The following ACYP2 variants were observed in gnomAD, a reference collection of about 807,000 sequenced individuals.
ACYP2 encodes acylphosphatase-2.
A neutral mutation model predicts 11.2 loss-of-function variants in ACYP2; 12 were observed. The observed-to-expected ratio is 1.08, with a 90% CI of 0.69 to 1.74. The LOEUF is 1.74. Ranked by LOEUF, ACYP2 falls within the 40% of genes most tolerant of loss-of-function variation. ACYP2 has a pLI of 0.00. For synonymous variants in ACYP2, 43 were observed against 32.2 expected, an observed-to-expected ratio of 1.33 and a Z score of -1.13; for missense variants, 134 against 101.9, an observed-to-expected ratio of 1.31 and a Z score of -1.35.
intron 6 of ACYP2, among the ~76,000 whole-genome samples, chr2:54,272,197 C>T (rs843739): frequency 0.67 from 100,959 of 151,796 alleles, 33,832 homozygotes; most frequent in Admixed American, 0.73. Flanking sequence ...TTAGCAGATG[C>T]AGGCTGCCCA....
chr2:54,051,032 C>A lies in ACYP2; in HGVS notation c.137C>A (p.Pro46Gln). ...AAGCTATCCTCCTGCCTCGGCCTCCCATGCTGTTGGGATTACAGGTGAGAA... is the reference window on the plus strand; with the variant it reads ...AAGCTATCCTCCTGCCTCGGCCTCCAATGCTGTTGGGATTACAGGTGAGAA... The change falls in exon 3 of 7, where the codon CCA (proline) becomes CAA (glutamine). Residue 46 changes from proline (P) to glutamine (Q), a missense_variant. Pro to Gln is a moderately conservative substitution (Grantham distance 76, BLOSUM62 -1). Coordinates refer to ENST00000607452, the MANE Select transcript of ACYP2 (RefSeq NM_001320586.2). 4.3e-6 allele frequency: 2 copies of A among 468,174 alleles called. No individual in the cohort carries two copies. The highest frequency in any genetic ancestry group is 9.9e-5 in the South Asian group (2 of 20,130). 29.0% of individuals were successfully genotyped at this position (468,174 alleles called of 1,614,324 possible). A position where few individuals can be genotyped will look rare whatever the true frequency, so the allele number is the denominator to read the frequency against.
intron 4 of ACYP2, chr2:54,123,098 G>A (rs959462344): frequency 2.9e-6 from 1 of 344,092 alleles, no homozygotes; most frequent in Non-Finnish European, 5.2e-6. Context: ...GGCTGTGCAT[G>A]TTTCTCCTTC....
chr2:54,181,959 A>C (rs1683753013), intron 6 of ACYP2, among the ~76,000 whole-genome samples: 1 of 152,070 alleles, frequency 6.6e-6, no homozygotes, highest in Admixed American at 6.6e-5. Context: ...CCTCTCTTAC[A>C]AAACCCTATA....
rs138812389 is a variant in ACYP2, at chr2:54,266,590, C to CTT, written c.405-38066_405-38065dup. 7.9e-3 allele frequency among the ~76,000 whole-genome samples: 415 copies of CTT among 52,282 alleles called. 58 individuals carry two copies. The highest frequency in any genetic ancestry group is 0.021 in the African/African-American group (278 of 13,220). The allele number at this position is 52,282 out of a possible 152,430, so 34.3% of individuals were successfully genotyped here. The stretch of plus-strand genomic sequence containing the variant: ...TAGATAGATATAGATATCTATCTAT[C>CTT]TTTTTTTTTTTTTTTTTTTTTTTTT... On this transcript the variant is annotated intron_variant, in intron 6 of 6. Coordinates refer to ENST00000607452, the MANE Select transcript of ACYP2 (RefSeq NM_001320586.2).
In ACYP2 at chr2:54,035,992, G is replaced by A. The variant is rs1276242290; in HGVS notation, c.63-14966G>A. The stretch of plus-strand genomic sequence containing the variant: ...TATCTAAAGATATCAGTCAAAAGAC[G>A]ATTGATTGGCCTAGGTAAACATATA... On this transcript the variant is annotated intron_variant, in intron 2 of 6. Transcript: ENST00000607452. 3.3e-5 allele frequency among the ~76,000 whole-genome samples: 5 copies of A among 152,292 alleles called. No individual in the cohort carries two copies. The East Asian group carries it at 5.8e-4, about 18-fold the overall frequency.
rs115574495 is a variant in ACYP2, at chr2:54,261,806, A to G, written c.405-42882A>G. Among the ~76,000 whole-genome samples the G allele has an allele frequency of 2.4e-3, 369 of 152,360 alleles. 1 individual carries two copies. Among genetic ancestry groups the G allele is most frequent in the African/African-American group, 8.6e-3 (357 of 41,584 alleles). On this transcript the variant is annotated intron_variant, in intron 6 of 6. Coordinates refer to ENST00000607452, the MANE Select transcript of ACYP2 (RefSeq NM_001320586.2). ...CGTAAGATTCAAAAGAATGTTGGTA[A>G]ACAAGAGAGGGAGATGTACACTTTG...
At chr2:54,001,313 T>G (rs1291754869) in intron 2 of ACYP2, among the ~76,000 whole-genome samples, 1 of 152,170 alleles carries the variant, frequency 6.6e-6, no homozygotes, top group Non-Finnish European at 1.5e-5. Flanking sequence ...GTCACATGTT[T>G]GGTGCCTTTG....
intron 4 of ACYP2, among the ~76,000 whole-genome samples, chr2:54,069,988 G>C (rs1377903117): frequency 6.6e-6 from 1 of 152,038 alleles, no homozygotes; most frequent in Non-Finnish European, 1.5e-5. Context: ...AAATACATTT[G>C]GGCCAGGCTC....
intron 2 of ACYP2, among the ~76,000 whole-genome samples, chr2:54,012,602 C>T (rs1432658237): frequency 6.6e-6 from 1 of 152,006 alleles, no homozygotes; most frequent in Non-Finnish European, 1.5e-5. Flanking sequence ...CCTCTTGGTA[C>T]AGCACTGAGG....
intron 6 of ACYP2, among the ~76,000 whole-genome samples, chr2:54,155,006 G>A (rs1017666964): frequency 1.3e-5 from 2 of 152,002 alleles, no homozygotes; most frequent in South Asian, 4.1e-4. Flanking sequence ...ATTTAGTATT[G>A]GTAGGTTATA....
At chr2:54,066,334 G>A (rs187454077) in intron 4 of ACYP2, among the ~76,000 whole-genome samples, 37 of 152,314 alleles carry the variant, frequency 2.4e-4, no homozygotes, top group Admixed American at 2.1e-3. Context: ...CTTCTGCCAT[G>A]ATTGTAAGTT....
intron 6 of ACYP2, among the ~76,000 whole-genome samples, chr2:54,263,659 C>G (rs984926061): frequency 3.3e-5 from 5 of 152,196 alleles, no homozygotes; most frequent in Admixed American, 6.5e-5. Context: ...GATATTTTCT[C>G]TTTCCTTTGG....
chr2:54,073,923 T>TAATA (rs1677193165), intron 4 of ACYP2, among the ~76,000 whole-genome samples: 1 of 152,180 alleles, frequency 6.6e-6, no homozygotes, highest in Admixed American at 6.5e-5. Flanking sequence ...AACCTGCATA[T>TAATA]AATAATGGTG....
intron 6 of ACYP2, among the ~76,000 whole-genome samples, chr2:54,173,786 T>C (rs919577407): frequency 1.3e-5 from 2 of 152,230 alleles, no homozygotes; most frequent in South Asian, 4.1e-4. Context: ...CACCATTTAT[T>C]AAATAGAGAA....
rs550142135 is a variant in ACYP2, at chr2:54,035,009, C to CAAAAAAA, written c.63-15932_63-15926dup. Reference sequence around the variant, plus strand: ...CAGGCGACAGTGCGAGACTACATCTCAAAAAAAAAAAAAAAAAAAAAAAGC... The same window carrying CAAAAAAA: ...CAGGCGACAGTGCGAGACTACATCTCAAAAAAAAAAAAAAAAAAAAAAAAAAAAAAGC... On this transcript the variant is annotated intron_variant, in intron 2 of 6. Transcript: ENST00000607452. Among the ~76,000 whole-genome samples, 40 of 44,770 alleles carry CAAAAAAA rather than the reference C, an allele frequency of 8.9e-4. 3 individuals are homozygous for CAAAAAAA. Among genetic ancestry groups the CAAAAAAA allele is most frequent in the African/African-American group, 1.9e-3 (31 of 16,620 alleles). 29.4% of individuals were successfully genotyped at this position (44,770 alleles called of 152,430 possible).
chr2:54,015,405 G>A (rs1673622366), intron 2 of ACYP2, among the ~76,000 whole-genome samples: 1 of 152,104 alleles, frequency 6.6e-6, no homozygotes, highest in Admixed American at 6.6e-5. Flanking sequence ...CTACGTGGGA[G>A]GCTGAGGCAG....
At chr2:54,012,747 G>C (rs937232319) in intron 2 of ACYP2, among the ~76,000 whole-genome samples, 1 of 152,060 alleles carries the variant, frequency 6.6e-6, no homozygotes, top group African/African-American at 2.4e-5. Context: ...GGCCAGCTTT[G>C]GCACTCCTAC....
intron 2 of ACYP2, among the ~76,000 whole-genome samples, chr2:53,984,435 G>A (rs1671917655): frequency 6.6e-6 from 1 of 151,824 alleles, no homozygotes; most frequent in Non-Finnish European, 1.5e-5. Flanking sequence ...AAATTAGCTG[G>A]GTGTGGTGGT....
At chr2:54,027,838 T>TTTC (rs578256345) in intron 2 of ACYP2, among the ~76,000 whole-genome samples, 37 of 21,592 alleles carry the variant, frequency 1.7e-3, no homozygotes, top group Non-Finnish European at 1.0e-3. Context: ...TCTTTCTTTC[T>TTTC]TTTTTTTTTT....
Sources: allele counts gnomAD v4.1 joint callset (sites outside exome capture counted in the v4.1 genomes callset), GRCh38; gene constraint gnomAD v4.1.1; transcripts MANE v1.5; gene names NCBI Gene and HGNC (gene_info 2026-07-23, HGNC 2026-07-21).